The following NCOR2 variants were observed in gnomAD, a reference collection of about 807,000 sequenced individuals.
NCOR2 encodes the protein nuclear receptor corepressor 2, also known as CTG repeat protein 26.
A neutral mutation model predicts 262.9 loss-of-function variants in NCOR2; 81 were observed. That is an observed-to-expected ratio of 0.31 (90% CI 0.26 to 0.37). The LOEUF (loss-of-function observed/expected upper bound fraction) is 0.37. Ranked by LOEUF, NCOR2 falls within the 10% of genes least tolerant of loss-of-function variation. NCOR2 has a pLI of 1.00. For synonymous variants in NCOR2, 1,659 were observed against 1,559.3 expected, an observed-to-expected ratio of 1.06 and a Z score of -1.51; for missense variants, 3,385 against 3,621.4, an observed-to-expected ratio of 0.93 and a Z score of 1.68.
intron 13 of NCOR2, among the ~76,000 whole-genome samples, chr12:124,408,286 G>A (rs764676998): frequency 6.6e-5 from 10 of 151,936 alleles, no homozygotes; most frequent in South Asian, 2.1e-4. Context: ...CCCGGGAGGC[G>A]GAGCTTGCAG....
rs377686687 is a variant in NCOR2 at position 124,426,658 on chromosome 12, A to C, written c.1292T>G (p.Met431Arg). 8.1e-6 allele frequency: 13 copies of C among 1,604,726 alleles called. No homozygotes were observed. Among genetic ancestry groups the C allele is most frequent in the Non-Finnish European group, 1.0e-5 (12 of 1,173,122 alleles). Residue 431 changes from methionine (M) to arginine (R), a missense_variant, in exon 11 of 47, where the codon ATG becomes AGG. By Grantham distance (91) the Met-to-Arg change is moderately conservative (BLOSUM62 -1). Transcript: ENST00000405201. Reference sequence around the variant, plus strand: ...GGTCTCCTTCTCCTGCTCACTCCACATGTTCATGACCTGGCGGTCTTTGTA... The same window carrying C: ...GGTCTCCTTCTCCTGCTCACTCCACCTGTTCATGACCTGGCGGTCTTTGTA...
chr12:124,426,544 G>C (rs2136325475), intron 11 of NCOR2, 78 bp downstream of exon 13: 1 of 1,361,280 alleles, frequency 7.3e-7, no homozygotes, highest in African/African-American at 1.5e-5. Flanking sequence ...ATTTGTGGTG[G>C]CTGCCGGGAG....
chr12:124,333,785 G>A (rs369842999), intron 41 of NCOR2, among the ~76,000 whole-genome samples: 2 of 152,170 alleles, frequency 1.3e-5, no homozygotes, highest in African/African-American at 4.8e-5. Flanking sequence ...GGTGGGAGTG[G>A]GAGTGTGCGT....
At chr12:124,415,322 T>C (rs994931963) in intron 13 of NCOR2, among the ~76,000 whole-genome samples, 2 of 152,248 alleles carry the variant, frequency 1.3e-5, no homozygotes, top group Admixed American at 1.3e-4. Flanking sequence ...GCAGTGTCAG[T>C]GGCTCCACAA....
chr12:124,386,047 C>T (rs756450017), intron 16 of NCOR2, among the ~76,000 whole-genome samples, 160 bp from the exon 19 acceptor site: 12 of 152,166 alleles, frequency 7.9e-5, no homozygotes, highest in African/African-American at 1.2e-4. Context: ...TGATGGGCCA[C>T]GTGTCCCCTA....
chr12:124,518,204 GA>G (rs917908566), intron 1 of NCOR2: 4 of 150,766 alleles, frequency 2.7e-5, no homozygotes, highest in Non-Finnish European at 4.4e-5. Context: ...TCTCTCACAA[GA>G]AAAAAAAAGA....
At position 124,504,786 on chromosome 12, in the gene NCOR2, C is replaced by T. The variant is rs941133664; in HGVS notation, c.-117-9418G>A. Among the ~76,000 whole-genome samples the T allele has an allele frequency of 4.6e-5, 7 of 152,170 alleles. No individual in the cohort carries two copies. The highest frequency in any genetic ancestry group is 1.4e-4 in the African/African-American group (6 of 41,448). ...AAGGCAAAGAAGCCGCTCAGAAAGG[C>T]CACGCACTGCATGATTCCATTAACT... On this transcript the variant is annotated intron_variant, in intron 1 of 46. Coordinates refer to the NCOR2 transcript ENST00000404621. The surrounding 1 kb of genome is among the most constrained non-coding windows in gnomAD (Gnocchi z 4.5).
intron 1 of NCOR2, among the ~76,000 whole-genome samples, chr12:124,488,096 C>T (rs890681662): frequency 1.3e-5 from 2 of 152,132 alleles, no homozygotes; most frequent in African/African-American, 4.8e-5. Context: ...TCCCAATTTT[C>T]CATAAAAATC....
rs1425253811 is a variant in NCOR2 at position 124,423,862 on chromosome 12, T to C, written c.1329-1307A>G. On this transcript the variant is annotated intron_variant, in intron 11 of 46. Transcript: ENST00000405201. ...GGAGGCCCTGTCGCTATACCCATTTTACAGACGAGGAAATTGAGGTTCAGA... is the reference window on the plus strand; with the variant it reads ...GGAGGCCCTGTCGCTATACCCATTTCACAGACGAGGAAATTGAGGTTCAGA... 2.0e-5 allele frequency among the ~76,000 whole-genome samples: 3 copies of C among 152,358 alleles called. No individual in the cohort carries two copies. In the East Asian group the frequency reaches 5.8e-4, roughly 29 times the overall value.
intron 17 of NCOR2, among the ~76,000 whole-genome samples, chr12:124,382,203 C>T (rs1292173210): frequency 2.6e-5 from 4 of 152,210 alleles, no homozygotes; most frequent in African/African-American, 7.2e-5. Flanking sequence ...CCAGGTTCAG[C>T]GGCACCTCTC....
At chr12:124,442,585 C>T (rs1477505419) in intron 7 of NCOR2, among the ~76,000 whole-genome samples, 1 of 152,158 alleles carries the variant, frequency 6.6e-6, no homozygotes, top group Admixed American at 6.5e-5. Flanking sequence ...ATAAATAGTT[C>T]CACCTTCTCA....
At chr12:124,512,797 C>G (rs2049475608) in intron 1 of NCOR2, among the ~76,000 whole-genome samples, 1 of 152,220 alleles carries the variant, frequency 6.6e-6, no homozygotes, top group Non-Finnish European at 1.5e-5. Context: ...ACAGTAGCCG[C>G]TGGGTATTGG....
At chr12:124,412,944 G>T (rs560755438) in intron 13 of NCOR2, among the ~76,000 whole-genome samples, 5 of 152,376 alleles carry the variant, frequency 3.3e-5, no homozygotes, top group African/African-American at 9.6e-5. Flanking sequence ...GGAGGGCACA[G>T]CCCCAGGATG....
intron 20 of NCOR2, among the ~76,000 whole-genome samples, chr12:124,369,424 G>A (rs2136008830): frequency 6.6e-6 from 1 of 152,290 alleles, no homozygotes; most frequent in East Asian, 1.9e-4. Flanking sequence ...CTGCCAGGCA[G>A]GAGGGATGAT....
intron 2 of NCOR2, 36 bp downstream of exon 4, chr12:124,486,405 A>ACG: frequency 1.2e-6 from 2 of 1,609,086 alleles, no homozygotes; most frequent in Non-Finnish European, 1.7e-6. Context: ...AGGAGCTCTC[A>ACG]CGCCCTGGAC....
At position 124,495,063 on chromosome 12, in the gene NCOR2, G is replaced by A. The variant is rs2048311336; in HGVS notation, c.105+84C>T. On this transcript the variant is annotated intron_variant, in intron 1 of 46. Coordinates refer to ENST00000405201, the Ensembl canonical transcript of NCOR2. The surrounding 1 kb of genome is among the most constrained non-coding windows in gnomAD (Gnocchi z 4.4). ...CAGAGCCACATGAGCCTGGCTCCCAGGAGAAAGGAAGGGGTGAAGACTCAG... is the reference window on the plus strand; with the variant it reads ...CAGAGCCACATGAGCCTGGCTCCCAAGAGAAAGGAAGGGGTGAAGACTCAG... 3.3e-6 allele frequency: 5 copies of A among 1,520,774 alleles called. No individual in the cohort carries two copies. The South Asian group carries it at 6.0e-5, about 18-fold the overall frequency. 94.2% of individuals were successfully genotyped at this position (1,520,774 alleles called of 1,614,324 possible).
In NCOR2 at chr12:124,457,177, C is replaced by T. The variant is rs773390471; in HGVS notation, c.706-15G>A. On this transcript the variant is annotated splice_polypyrimidine_tract_variant and intron_variant, in intron 5 of 46. Coordinates refer to ENST00000405201, the Ensembl canonical transcript of NCOR2. The surrounding 1 kb of genome is among the most constrained non-coding windows in gnomAD (Gnocchi z 4.0). ...TCAGCCTTCTTCTGCAGGGTGATGG[C>T]GAAGAGGAGGAATTTTTTTAAAAAA... is the stretch of plus-strand genomic sequence containing the variant. 3.3e-5 allele frequency: 51 copies of T among 1,534,028 alleles called. 1 individual carries two copies. Among genetic ancestry groups the T allele is most frequent in the East Asian group, 3.1e-4 (12 of 38,456 alleles).
Position 124,483,204 on chromosome 12 carries a change from A to G in NCOR2, c.411+392T>C, listed in dbSNP as rs2047591578. ...TCGAGGAAGCTCTCAGAATGTGCTG[A>G]AAGCTGCCCACCGACCACAGGACGG... On this transcript the variant is annotated intron_variant, in intron 3 of 46. Coordinates refer to ENST00000405201, the Ensembl canonical transcript of NCOR2. This position sits in a 1 kb window ranked among gnomAD's most constrained non-coding sequence, Gnocchi z 6.3. Among the ~76,000 whole-genome samples, 1 of 151,916 alleles carries G rather than the reference A, an allele frequency of 6.6e-6. No homozygotes were observed. The highest frequency in any genetic ancestry group is 1.9e-4 in the East Asian group (1 of 5,158).
intron 27 of NCOR2, among the ~76,000 whole-genome samples, chr12:124,352,756 G>A (rs2037599824): frequency 6.6e-6 from 1 of 152,178 alleles, no homozygotes; most frequent in Non-Finnish European, 1.5e-5. Flanking sequence ...CCCTGCTCTT[G>A]GGAGAATACA....
Sources: allele counts gnomAD v4.1 joint callset (sites outside exome capture counted in the v4.1 genomes callset), GRCh38; gene constraint gnomAD v4.1.1; non-coding constraint Gnocchi (gnomAD v3.1); transcripts MANE v1.5; gene names NCBI Gene and HGNC (gene_info 2026-07-23, HGNC 2026-07-21).